The following CDC42BPG variants were observed in gnomAD, a reference collection of about 807,000 sequenced individuals.
The protein encoded by CDC42BPG is CDC42 binding protein kinase gamma.
CDC42BPG carries 157 observed loss-of-function variants against 192.2 expected under a neutral mutation model. That is an observed-to-expected ratio of 0.82 (90% CI 0.72 to 0.93). The LOEUF (loss-of-function observed/expected upper bound fraction) is 0.93. CDC42BPG is among the 40% of genes least tolerant of loss of function. The pLI, the probability that CDC42BPG is intolerant of heterozygous loss-of-function variation, is 0.00. For missense variants in CDC42BPG, 1,992 were observed against 2,122.1 expected (o/e 0.94, Z 1.20); for synonymous variants, 981 against 918.5 (o/e 1.07, Z -1.23).
At chr11:64,838,270 AC>A in intron 8 of CDC42BPG, 108 bp from the exon 9 acceptor site, 1 of 794,912 alleles carries the variant, frequency 1.3e-6, no homozygotes, top group Non-Finnish European at 2.0e-6. Context: ...ACAGGTGGGA[AC>A]TCAGGGGGGT....
chr11:64,825,366 A>G (rs1030275460), intron 36 of CDC42BPG, among the ~76,000 whole-genome samples: 2 of 152,152 alleles, frequency 1.3e-5, no homozygotes, highest in African/African-American at 4.8e-5. Flanking sequence ...AGCACAGCAG[A>G]AGCTGCAAGG....
chr11:64,830,445 C>G, intron 28 of CDC42BPG, 189 bp from the exon 29 acceptor site: 1 of 631,314 alleles, frequency 1.6e-6, no homozygotes. Flanking sequence ...TGGGGTGAGG[C>G]CCATCATCTT....
rs768201111 is a variant in CDC42BPG at position 64,832,559 on chromosome 11, C to G, written c.3005+45G>C. On this transcript the variant is annotated intron_variant, in intron 26 of 36. Transcript: ENST00000342711. ...GAAATCTCCCTGTCCCTGACTGCCC[C>G]CCTTACCACTAGTCCCTTGCCCCAT... 1.9e-6 allele frequency: 3 copies of G among 1,613,958 alleles called. No individual in the cohort carries two copies. The South Asian group carries it at 3.3e-5, about 18-fold the overall frequency.
Position 64,841,934 on chromosome 11 carries a change from G to A in CDC42BPG, c.161-30C>T, listed in dbSNP as rs373367649. 2.2e-4 allele frequency: 341 copies of A among 1,527,468 alleles called. 1 individual carries two copies. The highest frequency in any genetic ancestry group is 2.7e-4 in the Non-Finnish European group (303 of 1,119,654). The allele number at this position is 1,527,468 out of a possible 1,614,324, so 94.6% of individuals were successfully genotyped here. On this transcript the variant is annotated intron_variant, in intron 1 of 36. Transcript: ENST00000342711. ...GGGGACACAGGGCGGGACTCAGAGT[G>A]CAGGGAGGGAGGGCTCCATTCCCCC...
chr11:64,834,287 G>A lies in CDC42BPG; in HGVS notation c.2392C>T (p.Leu798=), dbSNP rs771223466. Residue 798 remains leucine, a synonymous_variant, in exon 20 of 37, where the codon CTG becomes TTG. Transcript: ENST00000342711. ...TCACCCACTGGCCCTCGGGCCCGCA[G>A]CTCCTCCCGCAGCATGGCGAGCTCC... ...QQELAMLREE[L]RARGPVDTKP... 18 of 1,577,698 alleles carry A rather than the reference G, an allele frequency of 1.1e-5. 1 individual carries two copies. The South Asian group carries it at 2.1e-4, about 18-fold the overall frequency.
chr11:64,840,283 C>G lies in CDC42BPG; in HGVS notation c.433-15G>C. ...ATCACAAGGTACTGGAGGTGGCGGA[C>G]AAGAATCAGACCCGGGGGAAGGGTG... On this transcript the variant is annotated splice_polypyrimidine_tract_variant and intron_variant, in intron 4 of 36. Transcript: ENST00000342711. 1 of 1,607,132 alleles carries G rather than the reference C, an allele frequency of 6.2e-7. No individual in the cohort carries two copies. Among genetic ancestry groups the G allele is most frequent in the South Asian group, 1.1e-5 (1 of 91,038 alleles).
chr11:64,832,484 CAG>C lies in CDC42BPG; in HGVS notation c.3029_3030del (p.Pro1010ArgfsTer5). On this transcript the variant is annotated frameshift_variant, in exon 27 of 37. Coordinates refer to ENST00000342711, the MANE Select transcript of CDC42BPG (RefSeq NM_017525.3). LOFTEE classifies it high-confidence loss of function. ...DLRDPQFSAT[P>X]VLASDVIHAQ... is the part of the protein sequence containing the mutation. Reference sequence around the variant, plus strand: ...GCATGGATAACATCAGAGGCCAGGACAGGGGTAGCCGAGAACTGGGGGTCCCT... The same window carrying C: ...GCATGGATAACATCAGAGGCCAGGACGGGTAGCCGAGAACTGGGGGTCCCT... 3 of 1,614,080 alleles carry C rather than the reference CAG, an allele frequency of 1.9e-6. No individual in the cohort carries two copies. Among genetic ancestry groups the C allele is most frequent in the Non-Finnish European group, 2.5e-6 (3 of 1,179,992 alleles).
Position 64,832,962 on chromosome 11 carries a change from G to T in CDC42BPG, c.2732-3C>A. 6.6e-7 allele frequency: 1 copy of T among 1,523,710 alleles called. No homozygotes were observed. Among genetic ancestry groups the T allele is most frequent in the Non-Finnish European group, 8.8e-7 (1 of 1,133,900 alleles). The allele number at this position is 1,523,710 out of a possible 1,614,324, so 94.4% of individuals were successfully genotyped here. On this transcript the variant is annotated splice_region_variant and splice_polypyrimidine_tract_variant and intron_variant, in intron 24 of 36. Transcript: ENST00000342711. ...TGTGTGACAAAAGTAGCCGCAGGCT[G>T]TGGGGAAAGTGGAGAAGGTGGATGA...
intron 36 of CDC42BPG, among the ~76,000 whole-genome samples, chr11:64,826,098 C>G (rs369380437): frequency 2.0e-5 from 3 of 148,810 alleles, no homozygotes; most frequent in African/African-American, 4.9e-5. Flanking sequence ...ATCCCAAGAG[C>G]TCCCCTTCTG....
In CDC42BPG at chr11:64,829,698, G is replaced by C; in HGVS notation, c.3740C>G (p.Ala1247Gly). 2 of 1,611,220 alleles carry C rather than the reference G, an allele frequency of 1.2e-6. No homozygotes were observed. The highest frequency in any genetic ancestry group is 1.7e-6 in the Non-Finnish European group (2 of 1,179,322). The change falls in exon 30 of 37, where the codon GCA (alanine) becomes GGA (glycine). Residue 1247 changes from alanine to glycine, a missense_variant. Physicochemically the swap from Ala to Gly is moderately conservative, Grantham distance 60. Coordinates refer to ENST00000342711, the MANE Select transcript of CDC42BPG (RefSeq NM_017525.3). ...AGCCTCGTTGAGCAGCGGGTAGAGTGCAAAGCCACCGGCGGCGCCCACACA... is the reference window on the plus strand; with the variant it reads ...AGCCTCGTTGAGCAGCGGGTAGAGTCCAAAGCCACCGGCGGCGCCCACACA... ...RLCVGAAGGFALYPLLNEAAP... is the reference protein window; with the variant it reads ...RLCVGAAGGFGLYPLLNEAAP...
Position 64,844,272 on chromosome 11 carries a change from TA to T in CDC42BPG, c.160+137del, listed in dbSNP as rs941379625. The T allele has an allele frequency of 5.0e-6, 4 of 794,770 alleles. No homozygotes were observed. The Admixed American group carries it at 1.3e-4, about 26-fold the overall frequency. The allele number at this position is 794,770 out of a possible 1,614,324, so 49.2% of individuals were successfully genotyped here. A position where few individuals can be genotyped will look rare whatever the true frequency, so the allele number is the denominator to read the frequency against. ...TGTGCGGGCCGCGGGGGTCCGGTGG[TA>T]CGCGTCAGGGCCACTGCAGGGAGTC... is the stretch of plus-strand genomic sequence containing the variant. On this transcript the variant is annotated intron_variant, in intron 1 of 36. Transcript: ENST00000342711.
intron 2 of CDC42BPG, 25 bp from the exon 3 acceptor site, chr11:64,841,758 T>C: frequency 1.9e-6 from 3 of 1,613,622 alleles, no homozygotes; most frequent in Non-Finnish European, 2.5e-6. Flanking sequence ...AGGACCGGGG[T>C]GAGCCCAGCC....
At chr11:64,835,017 T>TTGCCCCC in intron 17 of CDC42BPG, 30 bp downstream of exon 17, 55 of 1,571,722 alleles carry the variant, frequency 3.5e-5, no homozygotes, top group Middle Eastern at 1.7e-4. Flanking sequence ...TCGCCTGCGT[T>TTGCCCCC]CCCCACCCCG....
intron 4 of CDC42BPG, 56 bp downstream of exon 4, chr11:64,840,496 AG>A: frequency 6.4e-7 from 1 of 1,559,300 alleles, no homozygotes; most frequent in Non-Finnish European, 8.8e-7. Context: ...CCTGGCCCCA[AG>A]GGCCCTCTCC....
chr11:64,826,680 C>G lies in CDC42BPG; in HGVS notation c.4504G>C (p.Ala1502Pro). 6.4e-7 allele frequency: 1 copy of G among 1,562,888 alleles called. No homozygotes were observed. ...SMGSEGLGGD[A>P]DPMKRKPWTS... ...GAGGGGCTGCCCTTACTGGGGTCTG[C>G]GTCTCCACCGAGGCCTTCGCTGCCC... The change falls in exon 35 of 37, where the codon GCA (alanine) becomes CCA (proline). Residue 1502 changes from alanine to proline, a missense_variant. Ala to Pro is a conservative substitution (Grantham distance 27). Around this residue, in one of 2 missense-constraint regions of CDC42BPG, gnomAD observed 336 missense variants for 277.9 expected, o/e 1.21. Coordinates refer to ENST00000342711, the MANE Select transcript of CDC42BPG (RefSeq NM_017525.3).
chr11:64,832,604 C>T lies in CDC42BPG; in HGVS notation c.3005G>A (p.Arg1002Lys), dbSNP rs758929148. Residue 1002 changes from arginine to lysine, a missense_variant and splice_region_variant, in exon 26 of 37, where the codon AGG becomes AAG. Arg to Lys is a conservative substitution (Grantham distance 26). Coordinates refer to ENST00000342711, the MANE Select transcript of CDC42BPG (RefSeq NM_017525.3). Reference protein sequence around the residue: ...SGALLQVLDLRDPQFSATPVL... With the variant: ...SGALLQVLDLKDPQFSATPVL... ...CCCCATGCCACTGCCCGGCACCTAC[C>T]TCAGATCTAGGACCTGCAGGAGGGC... The T allele has an allele frequency of 1.2e-6, 2 of 1,614,006 alleles. No homozygotes were observed. Among genetic ancestry groups the T allele is most frequent in the East Asian group, 4.5e-5 (2 of 44,886 alleles).
rs781154765 is a variant in CDC42BPG, at chr11:64,834,553, G to T, written c.2200C>A (p.Leu734Met). The T allele has an allele frequency of 7.6e-6, 12 of 1,580,062 alleles. No homozygotes were observed. Among genetic ancestry groups the T allele is most frequent in the Non-Finnish European group, 1.0e-5 (12 of 1,159,494 alleles). ...CTGGCCGAGGCCTCCATCTTCTGCA[G>T]TCGCCGCGCCTTCCACTGGTGGTCC... ...PLDHQWKARR[L>M]QKMEASARLE... Residue 734 changes from leucine (L) to methionine (M), a missense_variant, in exon 19 of 37, where the codon CTG (leucine) becomes ATG (methionine). This residue lies in a region of CDC42BPG where 1,656 missense variants were observed against 1,844.3 expected (regional missense o/e 0.90). Transcript: ENST00000342711.
chr11:64,836,719 G>GGGGTT lies in CDC42BPG; in HGVS notation c.1384+19_1384+20insAACCC. ...GGGACTCAGCCCTGGGGGGGGGGGG[G>GGGGTT]GGGTGGGCGGAAGGGATACCTGGCA... On this transcript the variant is annotated intron_variant, in intron 11 of 36. Coordinates refer to ENST00000342711, the MANE Select transcript of CDC42BPG (RefSeq NM_017525.3). 1.2e-6 allele frequency: 1 copy of GGGGTT among 842,262 alleles called. No individual in the cohort carries two copies. The highest frequency in any genetic ancestry group is 1.7e-6 in the Non-Finnish European group (1 of 582,314). The allele number at this position is 842,262 out of a possible 1,614,324, so 52.2% of individuals were successfully genotyped here.
intron 8 of CDC42BPG, 40 bp from the exon 9 acceptor site, chr11:64,838,202 C>T (rs1943109262): frequency 2.0e-6 from 3 of 1,490,050 alleles, no homozygotes; most frequent in African/African-American, 2.8e-5. Context: ...GTCCACAGGC[C>T]AAGGCCCGAG....
Sources: allele counts gnomAD v4.1 joint callset (sites outside exome capture counted in the v4.1 genomes callset), GRCh38; gene constraint gnomAD v4.1.1; regional missense constraint gnomAD v4.1.1; transcripts MANE v1.5; gene names NCBI Gene and HGNC (gene_info 2026-07-23, HGNC 2026-07-21).